CALCR: variants seen among roughly 807,000 people sequenced by gnomAD.
CALCR encodes calcitonin receptor.
In CALCR, 47 loss-of-function variants were observed where a neutral mutation model predicts 59.5. That is an observed-to-expected ratio of 0.79 (90% confidence interval 0.63 to 1.01). The LOEUF (loss-of-function observed/expected upper bound fraction) is 1.01. Among genes scored for constraint, CALCR ranks in the 50% least tolerant of loss-of-function variants. CALCR has a pLI of 0.00. For missense variants in CALCR, 566 were observed against 597.1 expected, an observed-to-expected ratio of 0.95 and a Z score of 0.54; for synonymous variants, 213 against 211.3, an observed-to-expected ratio of 1.01 and a Z score of -0.07.
intron 2 of CALCR, among the ~76,000 whole-genome samples, chr7:93,525,088 T>C (rs1262732124): frequency 6.6e-6 from 1 of 152,160 alleles, no homozygotes; most frequent in Admixed American, 6.6e-5. Context: ...AAAACATTAA[T>C]TCCAAATTTT....
intron 2 of CALCR, among the ~76,000 whole-genome samples, chr7:93,518,245 TA>T (rs573023738): frequency 6.6e-6 from 1 of 150,720 alleles, no homozygotes. Flanking sequence ...CTCCAAAACA[TA>T]AAAAAATCAA....
intron 6 of CALCR, among the ~76,000 whole-genome samples, chr7:93,471,805 A>G (rs985685503): frequency 1.6e-4 from 25 of 151,838 alleles, no homozygotes; most frequent in Admixed American, 1.3e-3. Flanking sequence ...AAGCAGAGAT[A>G]ATATTCAAAA....
At chr7:93,459,187 T>TA (rs1292590032) in intron 8 of CALCR, among the ~76,000 whole-genome samples, 7 of 152,170 alleles carry the variant, frequency 4.6e-5, no homozygotes, top group Non-Finnish European at 1.5e-5. Flanking sequence ...ATTTGATTTT[T>TA]AAAAAATTAA....
At chr7:93,445,207 G>C (rs972978) in intron 8 of CALCR, among the ~76,000 whole-genome samples, 82,280 of 151,764 alleles carry the variant, frequency 0.54, 22,795 homozygotes, top group African/African-American at 0.64. Flanking sequence ...TTCCCTCCCC[G>C]CCATCTGATT....
At chr7:93,480,472 C>A (rs1800771028) in intron 3 of CALCR, among the ~76,000 whole-genome samples, 1 of 151,764 alleles carries the variant, frequency 6.6e-6, no homozygotes, top group Non-Finnish European at 1.5e-5. Flanking sequence ...TTCTATCATA[C>A]CCGTTGAAAT....
chr7:93,491,952 G>A (rs972953240), intron 2 of CALCR, among the ~76,000 whole-genome samples: 4 of 151,814 alleles, frequency 2.6e-5, no homozygotes, highest in East Asian at 1.9e-4. Context: ...ACATGCACAC[G>A]TATGTTTATT....
chr7:93,488,400 A>G (rs189007154), intron 2 of CALCR, among the ~76,000 whole-genome samples: 3 of 151,694 alleles, frequency 2.0e-5, no homozygotes, highest in East Asian at 2.0e-4. Context: ...AAATTCACAC[A>G]TAAGAATGCT....
intron 5 of CALCR, among the ~76,000 whole-genome samples, chr7:93,476,854 C>A (rs1228891239): frequency 3.3e-5 from 5 of 151,912 alleles, no homozygotes; most frequent in Non-Finnish European, 5.9e-5. Flanking sequence ...GGGCACAGCA[C>A]AAAGCCCTTT....
In CALCR at chr7:93,471,388, C is replaced by T. The variant is rs137949947; in HGVS notation, c.429+987G>A. 2.6e-3 allele frequency among the ~76,000 whole-genome samples: 391 copies of T among 151,836 alleles called. 3 individuals carry two copies. The highest frequency in any genetic ancestry group is 8.4e-3 in the African/African-American group (348 of 41,466). On this transcript the variant is annotated intron_variant, in intron 6 of 13. Coordinates refer to ENST00000426151, the MANE Select transcript of CALCR (RefSeq NM_001742.4). ...TGTAAAGAGATAACTGGCTGTGGTGCCCTTAGCTTGTGCTTGTGATGAGGT... is the reference window on the plus strand; with the variant it reads ...TGTAAAGAGATAACTGGCTGTGGTGTCCTTAGCTTGTGCTTGTGATGAGGT...
intron 3 of CALCR, chr7:93,482,614 T>C (rs1397831894): frequency 6.9e-6 from 2 of 288,172 alleles, no homozygotes; most frequent in Non-Finnish European, 1.4e-5. Flanking sequence ...CATAGGCAAA[T>C]AGTATGTCCG....
chr7:93,482,862 G>C (rs553710698), intron 3 of CALCR: 3 of 533,170 alleles, frequency 5.6e-6, no homozygotes, highest in Non-Finnish European at 1.2e-5. Flanking sequence ...TGAAAAATTA[G>C]AACCTCTGTT....
chr7:93,446,654 T>G (rs1800011497), intron 8 of CALCR, among the ~76,000 whole-genome samples: 1 of 151,992 alleles, frequency 6.6e-6, no homozygotes, highest in African/African-American at 2.4e-5. Context: ...AACCAGGCAT[T>G]AAACAAAATG....
intron 2 of CALCR, among the ~76,000 whole-genome samples, chr7:93,530,447 C>A (rs1443776408): frequency 6.6e-6 from 1 of 152,088 alleles, no homozygotes; most frequent in East Asian, 1.9e-4. Flanking sequence ...ATCACTCAAT[C>A]ATAACACTCA....
intron 2 of CALCR, among the ~76,000 whole-genome samples, chr7:93,565,211 G>T (rs12704684): frequency 0.081 from 12,371 of 152,274 alleles, 567 homozygotes; most frequent in Non-Finnish European, 0.089. Context: ...ATTACCTCCT[G>T]GTTGGAAAAT....
intron 5 of CALCR, among the ~76,000 whole-genome samples, chr7:93,475,242 A>T (rs1800642954): frequency 6.6e-6 from 1 of 151,792 alleles, no homozygotes; most frequent in African/African-American, 2.4e-5. Flanking sequence ...TTCAAGCAAA[A>T]GATGTTTTCA....
chr7:93,530,234 AT>A (rs910083445), intron 2 of CALCR, among the ~76,000 whole-genome samples: 13 of 152,110 alleles, frequency 8.5e-5, no homozygotes, highest in African/African-American at 3.1e-4. Flanking sequence ...AGAAGTTGTG[AT>A]TTTTTTGATT....
At position 93,426,282 on chromosome 7, in the gene CALCR, G is replaced by A. The variant is rs574243154; in HGVS notation, c.*74C>T. 1.2e-4 allele frequency: 99 copies of A among 833,300 alleles called. No homozygotes were observed. In the East Asian group the frequency reaches 2.4e-3, roughly 20 times the overall value. 51.6% of individuals were successfully genotyped at this position (833,300 alleles called of 1,614,324 possible). A position where few individuals can be genotyped will look rare whatever the true frequency, so the allele number is the denominator to read the frequency against. The stretch of plus-strand genomic sequence containing the variant: ...TATGTTCGGTTCCTGGGAGGATGGA[G>A]AATACTTTAAATGCATGGTCTTTCT... On this transcript the variant is annotated 3_prime_UTR_variant, in exon 14 of 14. Transcript: ENST00000426151.
chr7:93,457,484 G>A (rs2283007), intron 8 of CALCR, among the ~76,000 whole-genome samples: 19,275 of 152,092 alleles, frequency 0.13, 2,537 homozygotes, highest in African/African-American at 0.32. Flanking sequence ...GGGAGACAGG[G>A]AGATATGGGT....
At chr7:93,528,056 C>T (rs1192503729) in intron 2 of CALCR, among the ~76,000 whole-genome samples, 1 of 152,034 alleles carries the variant, frequency 6.6e-6, no homozygotes, top group Non-Finnish European at 1.5e-5. Flanking sequence ...TGTATTTTTT[C>T]CTCAGAGTCT....
Sources: allele counts gnomAD v4.1 joint callset (sites outside exome capture counted in the v4.1 genomes callset), GRCh38; gene constraint gnomAD v4.1.1; transcripts MANE v1.5; gene names NCBI Gene and HGNC (gene_info 2026-07-23, HGNC 2026-07-21).